The following C19orf44 variants were observed in gnomAD, a reference collection of about 807,000 sequenced individuals.
C19orf44 encodes the protein uncharacterized protein C19orf44.
A neutral mutation model predicts 50.7 loss-of-function variants in C19orf44; 43 were observed. That is an observed-to-expected ratio of 0.85 (90% CI 0.66 to 1.09). The LOEUF (loss-of-function observed/expected upper bound fraction) is 1.09, where lower values mean the gene tolerates loss of function less well. C19orf44 is among the 50% of genes least tolerant of loss of function. The pLI, the probability that C19orf44 is intolerant of heterozygous loss-of-function variation, is 0.00. For missense variants in C19orf44, 722 were observed against 836.2 expected, an observed-to-expected ratio of 0.86 and a Z score of 1.68; for synonymous variants, 298 against 334.7, an observed-to-expected ratio of 0.89 and a Z score of 1.20.
At position 16,520,310 on chromosome 19, in the gene C19orf44, G is replaced by A. The variant is rs372180389; in HGVS notation, c.*257G>A. On this transcript the variant is annotated 3_prime_UTR_variant, in exon 9 of 9. Transcript: ENST00000221671. This position sits in a 1 kb window ranked among gnomAD's most constrained non-coding sequence, Gnocchi z 4.0. The stretch of plus-strand genomic sequence containing the variant: ...AGGGTCAGCAGCAGCCAGGCGTCGT[G>A]GGGAGGCCACAGGAAGAGGCCTCAG... 8.1e-5 allele frequency: 131 copies of A among 1,610,894 alleles called. 1 individual carries two copies. Among genetic ancestry groups the A allele is most frequent in the Non-Finnish European group, 9.1e-5 (107 of 1,177,938 alleles).
chr19:16,497,310 G>C (rs995560398), intron 1 of C19orf44, among the ~76,000 whole-genome samples: 4 of 151,034 alleles, frequency 2.6e-5, no homozygotes, highest in Non-Finnish European at 2.9e-5. Flanking sequence ...GAAATGATAG[G>C]GTGTGTGGAG....
At position 16,521,005 on chromosome 19, in the gene C19orf44, G is replaced by A; in HGVS notation, c.*952G>A. The A allele has an allele frequency of 9.3e-7, 1 of 1,072,888 alleles. No individual in the cohort carries two copies. Among genetic ancestry groups the A allele is most frequent in the Non-Finnish European group, 1.4e-6 (1 of 699,256 alleles). 66.5% of individuals were successfully genotyped at this position (1,072,888 alleles called of 1,614,324 possible). On this transcript the variant is annotated 3_prime_UTR_variant, in exon 9 of 9. Transcript: ENST00000221671. The stretch of plus-strand genomic sequence containing the variant: ...TCAGGAGTTAATCCACAGAACCTTG[G>A]AGAGTACATGGCCCTGTGGCTGTGG...
Position 16,521,078 on chromosome 19 carries a change from C to A in C19orf44, c.*1025C>A. ...AGCTTGGTTCAGTGTTCCCACAGGG[C>A]TGTCCTCCTGCAGCCCAGTGGCTCC... is the stretch of plus-strand genomic sequence containing the variant. On this transcript the variant is annotated 3_prime_UTR_variant, in exon 9 of 9. Transcript: ENST00000221671. 1.5e-6 allele frequency: 1 copy of A among 651,394 alleles called. No homozygotes were observed. The highest frequency in any genetic ancestry group is 1.8e-5 in the South Asian group (1 of 56,944). 40.4% of individuals were successfully genotyped at this position (651,394 alleles called of 1,614,324 possible).
Position 16,509,995 on chromosome 19 carries a change from C to CCG in C19orf44, c.1639+7_1639+8insCG. ...ACCTACGAGTGGACCAAGGGTAAGC[C>CCG]TTGGGGCCCGTGGGGGCCGGGGCAG... is the stretch of plus-strand genomic sequence containing the variant. On this transcript the variant is annotated splice_region_variant and intron_variant, in intron 5 of 8. Transcript: ENST00000221671. 6.2e-7 allele frequency: 1 copy of CCG among 1,614,090 alleles called. No individual in the cohort carries two copies. The highest frequency in any genetic ancestry group is 8.5e-7 in the Non-Finnish European group (1 of 1,179,950).
intron 1 of C19orf44, chr19:16,499,420 G>A (rs1204593881): frequency 1.3e-5 from 2 of 151,752 alleles, no homozygotes; most frequent in Non-Finnish European, 2.9e-5. Context: ...CGGAGTAGCT[G>A]GGACTACAGG....
Position 16,514,488 on chromosome 19 carries a change from C to A in C19orf44, c.1736-9C>A. On this transcript the variant is annotated splice_polypyrimidine_tract_variant and intron_variant, in intron 6 of 8. Transcript: ENST00000221671. ...AGCGAAGCCACCGAGTAACGCGGAGCTGGGTCAGCCCTGACCGCTTACAGC... is the reference window on the plus strand; with the variant it reads ...AGCGAAGCCACCGAGTAACGCGGAGATGGGTCAGCCCTGACCGCTTACAGC... The A allele has an allele frequency of 6.3e-7, 1 of 1,593,254 alleles. No homozygotes were observed. The highest frequency in any genetic ancestry group is 8.6e-7 in the Non-Finnish European group (1 of 1,168,454).
Position 16,503,138 on chromosome 19 carries a change from A to G in C19orf44, c.833A>G (p.His278Arg). 2 of 1,614,040 alleles carry G rather than the reference A, an allele frequency of 1.2e-6. No homozygotes were observed. Residue 278 changes from histidine (H) to arginine (R), a missense_variant, in exon 3 of 9, where the codon CAC becomes CGC. Physicochemically the swap from His to Arg is conservative, Grantham distance 29 (BLOSUM62 0). Transcript: ENST00000221671. ...AGCGCAAAGCCTTCTCAGACATCACACCTGCCAACCTCCCTGGCAGCAGAC... is the reference window on the plus strand; with the variant it reads ...AGCGCAAAGCCTTCTCAGACATCACGCCTGCCAACCTCCCTGGCAGCAGAC... ...LSSAKPSQTS[H>R]LPTSLAADRT... is the part of the protein sequence containing the mutation.
Position 16,520,603 on chromosome 19 carries a change from G to T in C19orf44, c.*550G>T. 7.1e-7 allele frequency: 1 copy of T among 1,408,414 alleles called. No individual in the cohort carries two copies. The highest frequency in any genetic ancestry group is 2.3e-5 in the East Asian group (1 of 43,798). The allele number at this position is 1,408,414 out of a possible 1,614,324, so 87.2% of individuals were successfully genotyped here. On this transcript the variant is annotated 3_prime_UTR_variant, in exon 9 of 9. Coordinates refer to ENST00000221671, the MANE Select transcript of C19orf44 (RefSeq NM_032207.4). The surrounding 1 kb of genome is among the most constrained non-coding windows in gnomAD (Gnocchi z 4.0). Reference sequence around the variant, plus strand: ...TTCCTAGACCACCCCAGATGCAGGGGCTCTGGCTGTGGATGTGGCGCCATA... The same window carrying T: ...TTCCTAGACCACCCCAGATGCAGGGTCTCTGGCTGTGGATGTGGCGCCATA...
chr19:16,511,907 C>T (rs917623518), intron 5 of C19orf44, among the ~76,000 whole-genome samples: 3 of 149,280 alleles, frequency 2.0e-5, no homozygotes, highest in Admixed American at 1.4e-4. Context: ...CCTAGCTACT[C>T]GGGAGGCCGA....
chr19:16,511,442 C>T (rs1459686026), intron 5 of C19orf44, among the ~76,000 whole-genome samples: 1 of 152,130 alleles, frequency 6.6e-6, no homozygotes, highest in Admixed American at 6.6e-5. Flanking sequence ...CTCATGTTGG[C>T]CCCCCAAGGT....
chr19:16,519,169 T>A lies in C19orf44; in HGVS notation c.*41-925T>A. ...TCCCGGCATGGGCGCCTACTTACAC[T>A]CGTCCCTGGCCTTCATGCGGGCGAT... On this transcript the variant is annotated intron_variant, in intron 8 of 8. Coordinates refer to ENST00000221671, the MANE Select transcript of C19orf44 (RefSeq NM_032207.4). The surrounding 1 kb of genome is among the most constrained non-coding windows in gnomAD (Gnocchi z 6.0). 1 of 1,613,262 alleles carries A rather than the reference T, an allele frequency of 6.2e-7. No homozygotes were observed.
intron 7 of C19orf44, among the ~76,000 whole-genome samples, chr19:16,516,705 C>T (rs1007296973): frequency 4.6e-5 from 7 of 152,188 alleles, no homozygotes; most frequent in African/African-American, 7.2e-5. Context: ...CCACATGCCC[C>T]GGGACGCTGC....
Position 16,519,785 on chromosome 19 carries a change from C to T in C19orf44, c.*41-309C>T, listed in dbSNP as rs1174176558. 3.0e-6 allele frequency: 4 copies of T among 1,331,748 alleles called. No individual in the cohort carries two copies. The highest frequency in any genetic ancestry group is 4.6e-5 in the East Asian group (2 of 43,450). The allele number at this position is 1,331,748 out of a possible 1,614,324, so 82.5% of individuals were successfully genotyped here. A position where few individuals can be genotyped will look rare whatever the true frequency, so the allele number is the denominator to read the frequency against. On this transcript the variant is annotated intron_variant, in intron 8 of 8. Coordinates refer to ENST00000221671, the MANE Select transcript of C19orf44 (RefSeq NM_032207.4). This position sits in a 1 kb window ranked among gnomAD's most constrained non-coding sequence, Gnocchi z 6.0. Reference sequence around the variant, plus strand: ...TTTATTGGAATGACAGTGATGAGGACCTCACAGCCGCAGCTTGCGTGCATG... The same window carrying T: ...TTTATTGGAATGACAGTGATGAGGATCTCACAGCCGCAGCTTGCGTGCATG...
At position 16,520,712 on chromosome 19, in the gene C19orf44, C is replaced by A; in HGVS notation, c.*659C>A. On this transcript the variant is annotated 3_prime_UTR_variant, in exon 9 of 9. Transcript: ENST00000221671. This position sits in a 1 kb window ranked among gnomAD's most constrained non-coding sequence, Gnocchi z 4.0. Reference sequence around the variant, plus strand: ...TCAGGCCTTGTGGAAAACACCGCCCCATAGGCACAGGCTGTGTGAGGGTGG... The same window carrying A: ...TCAGGCCTTGTGGAAAACACCGCCCAATAGGCACAGGCTGTGTGAGGGTGG... The A allele has an allele frequency of 8.2e-7, 1 of 1,217,810 alleles. No individual in the cohort carries two copies. Among genetic ancestry groups the A allele is most frequent in the South Asian group, 1.2e-5 (1 of 81,882 alleles). 75.4% of individuals were successfully genotyped at this position (1,217,810 alleles called of 1,614,324 possible).
chr19:16,513,139 G>A, intron 6 of C19orf44, 30 bp downstream of exon 6: 1 of 1,606,246 alleles, frequency 6.2e-7, no homozygotes, highest in Non-Finnish European at 8.5e-7. Flanking sequence ...GATCCTTCCT[G>A]TCACATTTTA....
chr19:16,518,925 C>T lies in C19orf44; in HGVS notation c.*41-1169C>T, dbSNP rs1188196786. 3.0e-5 allele frequency: 17 copies of T among 560,444 alleles called. No individual in the cohort carries two copies. The East Asian group carries it at 4.7e-4, about 15-fold the overall frequency. 34.7% of individuals were successfully genotyped at this position (560,444 alleles called of 1,614,324 possible). On this transcript the variant is annotated intron_variant, in intron 8 of 8. Coordinates refer to ENST00000221671, the MANE Select transcript of C19orf44 (RefSeq NM_032207.4). ...CTATAAAGGAAAACGAGCCTGGGGC[C>T]CTGGTGGCTGCAGCGCCTCCTGGTG...
In C19orf44 at chr19:16,519,095, A is replaced by T; in HGVS notation, c.*41-999A>T. 7.0e-7 allele frequency: 1 copy of T among 1,432,972 alleles called. No individual in the cohort carries two copies. The highest frequency in any genetic ancestry group is 9.6e-7 in the Non-Finnish European group (1 of 1,043,542). The allele number at this position is 1,432,972 out of a possible 1,614,324, so 88.8% of individuals were successfully genotyped here. On this transcript the variant is annotated intron_variant, in intron 8 of 8. Coordinates refer to ENST00000221671, the MANE Select transcript of C19orf44 (RefSeq NM_032207.4). This position sits in a 1 kb window ranked among gnomAD's most constrained non-coding sequence, Gnocchi z 6.0. ...GCTGTCACTGCAATCTTCCTCTGCC[A>T]GTCAGCCAGGAAGGTCCCACAGCCG...
chr19:16,519,113 C>T lies in C19orf44; in HGVS notation c.*41-981C>T, dbSNP rs573469903. 4 of 1,560,868 alleles carry T rather than the reference C, an allele frequency of 2.6e-6. No individual in the cohort carries two copies. The highest frequency in any genetic ancestry group is 1.7e-6 in the Non-Finnish European group (2 of 1,147,536). ...CTCTGCCAGTCAGCCAGGAAGGTCC[C>T]ACAGCCGGCACCGCTGGCCACCGGC... On this transcript the variant is annotated intron_variant, in intron 8 of 8. Transcript: ENST00000221671. This position sits in a 1 kb window ranked among gnomAD's most constrained non-coding sequence, Gnocchi z 6.0.
chr19:16,507,393 G>T (rs1204979461), intron 4 of C19orf44, among the ~76,000 whole-genome samples: 2 of 151,934 alleles, frequency 1.3e-5, no homozygotes, highest in Non-Finnish European at 2.9e-5. Context: ...CACCGGCACT[G>T]TCAGATACAC....
Sources: gnomAD v4.1 joint callset for allele counts (sites outside exome capture counted in the v4.1 genomes callset) on GRCh38, gnomAD v4.1.1 for gene constraint, Gnocchi (gnomAD v3.1) non-coding constraint, MANE v1.5 for transcripts, NCBI Gene and HGNC (gene_info 2026-07-23, HGNC 2026-07-21) for gene names.